The following XK variants were observed in gnomAD, a reference collection of about 807,000 sequenced individuals.
XK encodes the protein endoplasmic reticulum membrane adapter protein XK.
Under a neutral mutation model 14.0 loss-of-function variants are expected in XK, and 2 were observed. The observed-to-expected ratio is 0.14, with a 90% CI of 0.06 to 0.45. The LOEUF (loss-of-function observed/expected upper bound fraction) is 0.45. Ranked by LOEUF, XK falls within the 20% of genes least tolerant of loss-of-function variation. The pLI is 0.98. For synonymous variants in XK, 149 were observed against 147.5 expected (o/e 1.01, Z -0.08); for missense variants, 235 against 341.5 (o/e 0.69, Z 2.46).
At chrX:37,692,359 C>T (rs1395959542) in intron 1 of XK, among the ~76,000 whole-genome samples, 5 of 111,310 alleles carry the variant, frequency 4.5e-5, no homozygotes, top group Admixed American at 9.5e-5. Context: ...AAACCACACC[C>T]GCATTCATCT....
At chrX:37,724,342 CA>C (rs782125396) in intron 2 of XK, among the ~76,000 whole-genome samples, 3 of 111,046 alleles carry the variant, frequency 2.7e-5, no homozygotes, top group Non-Finnish European at 5.7e-5. Flanking sequence ...AAAGAACAGA[CA>C]AATAGATCAA....
intron 2 of XK, among the ~76,000 whole-genome samples, chrX:37,724,475 A>G (rs1927938732): frequency 9.0e-6 from 1 of 111,395 alleles, no homozygotes; most frequent in African/African-American, 3.2e-5. Flanking sequence ...CACAGACCTT[A>G]CACCCTTCAC....
chrX:37,719,157 C>T lies in XK; in HGVS notation c.509-8479C>T, dbSNP rs781877137. Among the ~76,000 whole-genome samples the T allele has an allele frequency of 9.9e-5, 11 of 111,332 alleles. No homozygotes were observed. In the South Asian group the frequency reaches 1.5e-3, roughly 15 times the overall value. ...AGATTATCATTCATCTTCCAGCTTC[C>T]ATTATTTCTGTTGAGATGCTACTGT... On this transcript the variant is annotated intron_variant, in intron 2 of 2. Coordinates refer to ENST00000378616, the MANE Select transcript of XK (RefSeq NM_021083.4).
intron 2 of XK, among the ~76,000 whole-genome samples, chrX:37,722,566 C>T (rs1235331681): frequency 8.9e-6 from 1 of 112,357 alleles, no homozygotes; most frequent in Non-Finnish European, 1.9e-5. Flanking sequence ...GCTTGCTTTG[C>T]TAACTTCCTC....
Position 37,725,830 on chromosome X carries a change from T to TA in XK, c.509-1804dup, listed in dbSNP as rs782559021. The stretch of plus-strand genomic sequence containing the variant: ...TGAAGAAAACTTAAATGTATGTTAC[T>TA]AAGTGAAAAAAGTCAATCTAAGAAG... On this transcript the variant is annotated intron_variant, in intron 2 of 2. Coordinates refer to ENST00000378616, the MANE Select transcript of XK (RefSeq NM_021083.4). 1.2e-4 allele frequency among the ~76,000 whole-genome samples: 13 copies of TA among 111,812 alleles called. No individual in the cohort carries two copies. The South Asian group carries it at 4.1e-3, about 35-fold the overall frequency.
chrX:37,689,579 T>G (rs1333510385), intron 1 of XK, among the ~76,000 whole-genome samples: 2 of 112,037 alleles, frequency 1.8e-5, no homozygotes, highest in African/African-American at 6.5e-5. Flanking sequence ...CTGCAATACA[T>G]TACACTAATG....
intron 1 of XK, among the ~76,000 whole-genome samples, chrX:37,693,998 T>A (rs782430759): frequency 8.9e-6 from 1 of 112,342 alleles, no homozygotes; most frequent in East Asian, 2.8e-4. Context: ...TTTCTGTGGC[T>A]CTGGAGCCGG....
rs781803066 is a variant in XK, at chrX:37,727,613, G to T, written c.509-23G>T. On this transcript the variant is annotated intron_variant, in intron 2 of 2. Transcript: ENST00000378616. Reference sequence around the variant, plus strand: ...ATTCCTAGTGGAGGTGAGACTTGATGATACTCTCTCTTTTCTCCCCAGGTC... The same window carrying T: ...ATTCCTAGTGGAGGTGAGACTTGATTATACTCTCTCTTTTCTCCCCAGGTC... 2.0e-5 allele frequency: 24 copies of T among 1,177,672 alleles called. No individual in the cohort carries two copies. In the South Asian group the frequency reaches 3.0e-4, roughly 15 times the overall value.
chrX:37,700,525 T>C (rs1927391537), intron 2 of XK, among the ~76,000 whole-genome samples: 1 of 111,744 alleles, frequency 8.9e-6, no homozygotes, highest in Non-Finnish European at 1.9e-5. Context: ...GCTGAATGGG[T>C]GGAAGGTGTT....
intron 2 of XK, among the ~76,000 whole-genome samples, chrX:37,721,198 A>G (rs1927863705): frequency 9.0e-6 from 1 of 111,289 alleles, no homozygotes; most frequent in Non-Finnish European, 1.9e-5. Context: ...TTTTTATAAT[A>G]GCCATTCTGA....
chrX:37,725,866 G>A (rs1927963834), intron 2 of XK, among the ~76,000 whole-genome samples: 1 of 111,662 alleles, frequency 9.0e-6, no homozygotes, highest in Non-Finnish European at 1.9e-5. Context: ...GCCACATATT[G>A]TATGATTCCA....
At chrX:37,687,941 C>G (rs1556440593) in intron 1 of XK, among the ~76,000 whole-genome samples, 1 of 111,074 alleles carries the variant, frequency 9.0e-6, no homozygotes. Flanking sequence ...AGAGTTAGTC[C>G]TTCCTAGCCA....
chrX:37,704,551 A>G (rs1384788498), intron 2 of XK, among the ~76,000 whole-genome samples: 1 of 109,739 alleles, frequency 9.1e-6, no homozygotes, highest in African/African-American at 3.3e-5. Flanking sequence ...AAAAAAAAGT[A>G]TCAGCCGGGC....
At chrX:37,706,135 T>G (rs1218671181) in intron 2 of XK, among the ~76,000 whole-genome samples, 1 of 111,410 alleles carries the variant, frequency 9.0e-6, no homozygotes, top group Non-Finnish European at 1.9e-5. Context: ...TGTAAAAGAT[T>G]TATAGAGTTT....
At chrX:37,708,580 A>G (rs993983705) in intron 2 of XK, among the ~76,000 whole-genome samples, 8 of 112,426 alleles carry the variant, frequency 7.1e-5, no homozygotes, top group African/African-American at 2.3e-4. Flanking sequence ...ATTTACGCCA[A>G]AAGTAATCTT....
intron 1 of XK, among the ~76,000 whole-genome samples, chrX:37,689,809 T>C (rs1927169467): frequency 8.9e-6 from 1 of 112,394 alleles, no homozygotes. Flanking sequence ...CGCATTATAA[T>C]AGATACTCTA....
chrX:37,711,094 C>T (rs782387389), intron 2 of XK, among the ~76,000 whole-genome samples: 13 of 112,056 alleles, frequency 1.2e-4, no homozygotes, highest in Non-Finnish European at 2.3e-4. Context: ...AAGTTTAAAT[C>T]CATGGATGTG....
rs782505912 is a variant in XK, at chrX:37,728,484, A to G, written c.*22A>G. 2.5e-6 allele frequency: 3 copies of G among 1,185,912 alleles called. No individual in the cohort carries two copies. The African/African-American group carries it at 5.3e-5, about 21-fold the overall frequency. The stretch of plus-strand genomic sequence containing the variant: ...TTAATGGGACCCAAGGTCTCAGAGC[A>G]CAGGCATATTATTTTCTGGGTTTGA... On this transcript the variant is annotated 3_prime_UTR_variant, in exon 3 of 3. Transcript: ENST00000378616.
rs1922067978 is a variant in XK at position 37,730,911 on chromosome X, A to T, written c.*2449A>T. On this transcript the variant is annotated 3_prime_UTR_variant, in exon 3 of 3. Transcript: ENST00000378616. ...ACTTCACACATTTATAAGGACAGAG[A>T]TTTGGTAACTCATTTGGGTATTTTG... 1 of 111,977 alleles carries T rather than the reference A, an allele frequency of 8.9e-6. No homozygotes were observed. Among genetic ancestry groups the T allele is most frequent in the Admixed American group, 9.5e-5 (1 of 10,538 alleles). The allele number at this position is 111,977 out of a possible 1,213,427, so 9.2% of individuals were successfully genotyped here.
Sources: allele counts gnomAD v4.1 joint callset (sites outside exome capture counted in the v4.1 genomes callset), GRCh38; gene constraint gnomAD v4.1.1; transcripts MANE v1.5; gene names NCBI Gene and HGNC (gene_info 2026-07-23, HGNC 2026-07-21).